The following NXPH1 variants were observed in gnomAD, a reference collection of about 807,000 sequenced individuals.
The protein encoded by NXPH1 is neurexophilin 1.
In NXPH1, 5 loss-of-function variants were observed where a neutral mutation model predicts 23.7. That is an observed-to-expected ratio of 0.21 (90% CI 0.11 to 0.44). NXPH1 has a LOEUF of 0.44. Among genes scored for constraint, NXPH1 ranks in the 20% least tolerant of loss-of-function variants. The pLI is 0.99. For missense variants in NXPH1, 324 were observed against 321.6 expected (o/e 1.01, Z -0.06); for synonymous variants, 144 against 122.2 (o/e 1.18, Z -1.18).
chr7:8,734,890 T>G (rs2115221068), intron 2 of NXPH1, among the ~76,000 whole-genome samples: 1 of 152,308 alleles, frequency 6.6e-6, no homozygotes, highest in South Asian at 2.1e-4. Flanking sequence ...CCTAGGTATT[T>G]TATTCTCTTT....
intron 2 of NXPH1, among the ~76,000 whole-genome samples, chr7:8,675,711 G>C (rs1820941285): frequency 1.3e-5 from 2 of 152,130 alleles, no homozygotes; most frequent in South Asian, 4.1e-4. Flanking sequence ...TAAAGTATGA[G>C]TATAGGTTAT....
At chr7:8,632,099 C>A (rs184240070) in intron 2 of NXPH1, among the ~76,000 whole-genome samples, 1 of 152,104 alleles carries the variant, frequency 6.6e-6, no homozygotes, top group Non-Finnish European at 1.5e-5. Context: ...ATTCAGGGAG[C>A]GTCCATCAGA....
chr7:8,670,860 G>A (rs1048667032), intron 2 of NXPH1, among the ~76,000 whole-genome samples: 1 of 152,162 alleles, frequency 6.6e-6, no homozygotes, highest in African/African-American at 2.4e-5. Flanking sequence ...TTTTCACTAT[G>A]GGTTCCCCTC....
At chr7:8,717,894 G>GTA (rs3059127) in intron 2 of NXPH1, among the ~76,000 whole-genome samples, 5,991 of 147,088 alleles carry the variant, frequency 0.041, 245 homozygotes, top group East Asian at 0.24. Flanking sequence ...CTCTCTGTGT[G>GTA]TATATATATA....
intron 2 of NXPH1, among the ~76,000 whole-genome samples, chr7:8,677,670 T>A (rs573891219): frequency 2.0e-5 from 3 of 152,288 alleles, no homozygotes; most frequent in African/African-American, 7.2e-5. Flanking sequence ...TTCCTCTCTA[T>A]GCTTAGTTTC....
chr7:8,574,726 T>TG (rs959955957), intron 2 of NXPH1, among the ~76,000 whole-genome samples: 5 of 152,152 alleles, frequency 3.3e-5, no homozygotes, highest in Non-Finnish European at 5.9e-5. Flanking sequence ...TGTTCAGCCT[T>TG]GGATTCCGTC....
intron 2 of NXPH1, among the ~76,000 whole-genome samples, chr7:8,521,226 T>A (rs1336392476): frequency 6.6e-6 from 1 of 152,126 alleles, no homozygotes; most frequent in Non-Finnish European, 1.5e-5. Context: ...TACCAAACAA[T>A]CAAAGTGCAG....
chr7:8,631,249 C>T (rs28428593), intron 2 of NXPH1, among the ~76,000 whole-genome samples: 51,495 of 151,930 alleles, frequency 0.34, 9,371 homozygotes, highest in African/African-American at 0.47. Context: ...CATGTGCATG[C>T]GTCTTTATAA....
chr7:8,603,806 G>C (rs1265602391), intron 2 of NXPH1, among the ~76,000 whole-genome samples: 1 of 151,842 alleles, frequency 6.6e-6, no homozygotes, highest in South Asian at 2.1e-4. Context: ...TCCTTTATTT[G>C]TTGGATTTTT....
At chr7:8,700,154 C>G (rs1441454299) in intron 2 of NXPH1, among the ~76,000 whole-genome samples, 2 of 152,084 alleles carry the variant, frequency 1.3e-5, no homozygotes, top group Non-Finnish European at 2.9e-5. Flanking sequence ...GTTTCTTTAC[C>G]AAATTGAATT....
At chr7:8,489,870 A>G (rs913276703) in intron 2 of NXPH1, among the ~76,000 whole-genome samples, 3 of 152,102 alleles carry the variant, frequency 2.0e-5, no homozygotes, top group South Asian at 2.1e-4. Context: ...CTGCATCTCA[A>G]TAGCTTTGCT....
At chr7:8,605,184 T>G (rs190734317) in intron 2 of NXPH1, among the ~76,000 whole-genome samples, 2 of 152,214 alleles carry the variant, frequency 1.3e-5, no homozygotes, top group East Asian at 1.9e-4. Flanking sequence ...AAATGAAAGG[T>G]GATATAAAAA....
At chr7:8,651,951 T>C (rs1325166076) in intron 2 of NXPH1, among the ~76,000 whole-genome samples, 1 of 152,208 alleles carries the variant, frequency 6.6e-6, no homozygotes, top group Non-Finnish European at 1.5e-5. Context: ...TTATTCTGTA[T>C]ATTTTTTCTG....
intron 2 of NXPH1, among the ~76,000 whole-genome samples, chr7:8,477,003 C>T (rs559802247): frequency 1.3e-5 from 2 of 152,256 alleles, no homozygotes; most frequent in Admixed American, 6.5e-5. Context: ...GAAGAAGACA[C>T]CTAAGTACAA....
chr7:8,513,613 G>A (rs1817643928), intron 2 of NXPH1, among the ~76,000 whole-genome samples: 1 of 152,098 alleles, frequency 6.6e-6, no homozygotes, highest in South Asian at 2.1e-4. Flanking sequence ...ATACCTTTGA[G>A]TAGCTACCAA....
intron 2 of NXPH1, among the ~76,000 whole-genome samples, chr7:8,463,990 C>G (rs539708240): frequency 1.3e-5 from 2 of 152,106 alleles, no homozygotes; most frequent in African/African-American, 4.8e-5. Flanking sequence ...TTGTTCAAAA[C>G]CATATGTTCC....
At chr7:8,572,535 G>T (rs1270472533) in intron 2 of NXPH1, among the ~76,000 whole-genome samples, 2 of 151,884 alleles carry the variant, frequency 1.3e-5, no homozygotes, top group Non-Finnish European at 2.9e-5. Context: ...TATTATTAAG[G>T]TGTAAGGTAT....
intron 2 of NXPH1, among the ~76,000 whole-genome samples, chr7:8,656,817 T>G (rs1319115574): frequency 1.3e-5 from 2 of 152,090 alleles, no homozygotes; most frequent in Non-Finnish European, 2.9e-5. Flanking sequence ...TCTTGCGATA[T>G]TTTACTGACA....
In NXPH1 at chr7:8,442,213, C is replaced by G. The variant is rs1354095443; in HGVS notation, c.54+6446C>G. On this transcript the variant is annotated intron_variant, in intron 2 of 2. Coordinates refer to ENST00000405863, the MANE Select transcript of NXPH1 (RefSeq NM_152745.3). This position sits in a 1 kb window ranked among gnomAD's most constrained non-coding sequence, Gnocchi z 4.6. ...ACGATGGGGAGGGGGAGACACAGGC[C>G]GCATCCAGAGCGCATCGCCTCATCT... Among the ~76,000 whole-genome samples the G allele has an allele frequency of 1.3e-5, 2 of 152,300 alleles. No homozygotes were observed. Among genetic ancestry groups the G allele is most frequent in the Middle Eastern group, 3.4e-3 (1 of 294 alleles).
Sources: allele counts gnomAD v4.1 joint callset (sites outside exome capture counted in the v4.1 genomes callset), GRCh38; gene constraint gnomAD v4.1.1; non-coding constraint Gnocchi (gnomAD v3.1); transcripts MANE v1.5; gene names NCBI Gene and HGNC (gene_info 2026-07-23, HGNC 2026-07-21).